The following MYH3 variants were observed in gnomAD, a reference collection of about 807,000 sequenced individuals.
MYH3 encodes myosin-3.
A neutral mutation model predicts 238.0 loss-of-function variants in MYH3; 130 were observed. The ratio of observed to expected loss-of-function variants is 0.55; its 90% CI spans 0.47 to 0.63. The LOEUF (loss-of-function observed/expected upper bound fraction) is 0.63, where lower values mean the gene tolerates loss of function less well. Among genes scored for constraint, MYH3 ranks in the 30% least tolerant of loss-of-function variants. The pLI is 0.00. For synonymous variants in MYH3, 880 were observed against 924.1 expected (o/e 0.95, Z 0.86); for missense variants, 1,853 against 2,374.9 (o/e 0.78, Z 4.57).
chr17:10,665,602 C>T, the MYH3 span, among the ~76,000 whole-genome samples: 1 of 152,150 alleles, frequency 6.6e-6, no homozygotes, highest in African/African-American at 2.4e-5. Context: ...ATAAACTTAA[C>T]AGGAGATATG....
Position 10,644,467 on chromosome 17 carries a change from C to T in MYH3, c.1294G>A (p.Val432Ile). Reference sequence around the variant, plus strand: ...ATCCACAAGAACAACTTTTCATAAACTGATTTTGAAAGAGCATTCACAGCA... The same window carrying T: ...ATCCACAAGAACAACTTTTCATAAATTGATTTTGAAAGAGCATTCACAGCA... ...HHAVNALSKS[V>I]YEKLFLWMVT... The change falls in exon 14 of 41, where the codon GTT becomes ATT. Residue 432 changes from valine (V) to isoleucine (I), a missense_variant. Around this residue, in one of 3 missense-constraint regions of MYH3, gnomAD observed 678 missense variants for 1,058.9 expected, o/e 0.64. Transcript: ENST00000583535. 6.2e-7 allele frequency: 1 copy of T among 1,614,206 alleles called. No individual in the cohort carries two copies. The highest frequency in any genetic ancestry group is 8.5e-7 in the Non-Finnish European group (1 of 1,180,020).
At chr17:10,652,788 A>AT (rs1049379076) in intron 3 of MYH3, among the ~76,000 whole-genome samples, 2 of 151,118 alleles carry the variant, frequency 1.3e-5, no homozygotes, top group African/African-American at 2.4e-5. Context: ...CACCCGGCTA[A>AT]TTTTTTTTAT....
chr17:10,674,458 A>T, the MYH3 span: 1 of 283,058 alleles, frequency 3.5e-6, no homozygotes, highest in Non-Finnish European at 6.9e-6. Context: ...AAAAAAACAG[A>T]CTGTGATTGA....
At chr17:10,647,145 C>G (rs2074329512) in intron 10 of MYH3, 37 bp downstream of exon 10, 1 of 1,505,270 alleles carries the variant, frequency 6.6e-7, no homozygotes, top group African/African-American at 1.4e-5. Context: ...CAGAGTCAAA[C>G]TACCTAAAAG....
intron 40 of MYH3, 66 bp downstream of exon 40, chr17:10,629,531 G>A (rs1005826926): frequency 1.9e-6 from 3 of 1,601,000 alleles, no homozygotes; most frequent in Admixed American, 3.3e-5. Flanking sequence ...GGTTCTCTGA[G>A]GTTCCTTCCA....
rs1192759965 is a variant in MYH3 at position 10,655,052 on chromosome 17, T to C, written c.13A>G (p.Thr5Ala). ...GCTATGCCGAACACTTCCATTTCAGTGTCACTACTCATGGTGTCAGCTGGA... is the reference window on the plus strand; with the variant it reads ...GCTATGCCGAACACTTCCATTTCAGCGTCACTACTCATGGTGTCAGCTGGA... Reference protein sequence around the residue: MSSDTEMEVFGIAAP... With the variant: MSSDAEMEVFGIAAP... The change falls in exon 3 of 41, where the codon ACT (threonine) becomes GCT (alanine). Residue 5 changes from threonine (T) to alanine (A), a missense_variant. Thr to Ala is a moderately conservative substitution (Grantham distance 58). Transcript: ENST00000583535. 2 of 1,614,168 alleles carry C rather than the reference T, an allele frequency of 1.2e-6. No homozygotes were observed. Among genetic ancestry groups the C allele is most frequent in the Non-Finnish European group, 8.5e-7 (1 of 1,180,018 alleles).
the MYH3 span, chr17:10,675,411 T>G: frequency 6.6e-6 from 1 of 152,294 alleles, no homozygotes; most frequent in East Asian, 1.9e-4. Context: ...ATCACAGACT[T>G]GCTTTCTTTC....
At chr17:10,666,664 A>AG in the MYH3 span, among the ~76,000 whole-genome samples, 2 of 151,218 alleles carry the variant, frequency 1.3e-5, no homozygotes, top group South Asian at 2.1e-4. Flanking sequence ...TGGGAGGCTG[A>AG]GGGGGGAGGA....
At position 10,638,006 on chromosome 17, in the gene MYH3, A is replaced by G. The variant is rs781038761; in HGVS notation, c.3729+37T>C. The stretch of plus-strand genomic sequence containing the variant: ...TTTCAATGACCACGGAGTGTGTCTG[A>G]TGGAAAGCCTTGAGCCACCCCCACC... On this transcript the variant is annotated intron_variant, in intron 27 of 40. Transcript: ENST00000583535. The G allele has an allele frequency of 4.3e-6, 7 of 1,613,908 alleles. No individual in the cohort carries two copies. In the African/African-American group the frequency reaches 6.7e-5, roughly 15 times the overall value.
At chr17:10,666,434 C>A in the MYH3 span, among the ~76,000 whole-genome samples, 1 of 97,640 alleles carries the variant, frequency 1.0e-5, no homozygotes, top group Non-Finnish European at 2.4e-5. Context: ...AACCAGCAGG[C>A]ATGGTGGTGC....
intron 7 of MYH3, among the ~76,000 whole-genome samples, chr17:10,649,223 A>G (rs1302837151): frequency 6.6e-6 from 1 of 152,224 alleles, no homozygotes; most frequent in Non-Finnish European, 1.5e-5. Context: ...GTCCGTATTC[A>G]TTTCATGCTG....
At chr17:10,657,899 T>C (rs1272678326), upstream of MYH3, among the ~76,000 whole-genome samples, 1 of 151,848 alleles carries the variant, frequency 6.6e-6, no homozygotes, top group East Asian at 1.9e-4. Flanking sequence ...CTCCTCTCCT[T>C]CTTTCTCTTA....
At chr17:10,674,318 T>C in the MYH3 span, 1,189 of 164,136 alleles carry the variant, frequency 7.2e-3, 19 homozygotes, top group African/African-American at 0.027. Context: ...CCCAGCTACT[T>C]GGGAGGCTGA....
intron 5 of MYH3, among the ~76,000 whole-genome samples, chr17:10,650,633 A>G (rs938791960): frequency 1.3e-5 from 2 of 152,220 alleles, no homozygotes; most frequent in Admixed American, 6.5e-5. Flanking sequence ...ATGATTTGAT[A>G]TATGTTTATA....
chr17:10,642,176 C>A lies in MYH3; in HGVS notation c.1959+64G>T. 7.0e-7 allele frequency: 1 copy of A among 1,427,164 alleles called. No individual in the cohort carries two copies. The allele number at this position is 1,427,164 out of a possible 1,614,324, so 88.4% of individuals were successfully genotyped here. A position where few individuals can be genotyped will look rare whatever the true frequency, so the allele number is the denominator to read the frequency against. On this transcript the variant is annotated intron_variant, in intron 17 of 40. Transcript: ENST00000583535. This position sits in a 1 kb window ranked among gnomAD's most constrained non-coding sequence, Gnocchi z 5.4. ...CTCAAATAAATCAAGCTTAGAATCT[C>A]AGCATTGCTCATTTAGATGTCACTT... is the stretch of plus-strand genomic sequence containing the variant.
rs758967389 is a variant in MYH3, at chr17:10,628,605, GA to G, written c.*47del. On this transcript the variant is annotated 3_prime_UTR_variant, in exon 41 of 41. Coordinates refer to ENST00000583535, the MANE Select transcript of MYH3 (RefSeq NM_002470.4). ...TTAAGTATCAATGGTCAGGAATCAAGAAAATATACATTTTGCATATCTTCTG... is the reference window on the plus strand; with the variant it reads ...TTAAGTATCAATGGTCAGGAATCAAGAAATATACATTTTGCATATCTTCTG... 2 of 1,604,716 alleles carry G rather than the reference GA, an allele frequency of 1.2e-6. No homozygotes were observed. The highest frequency in any genetic ancestry group is 1.7e-5 in the Admixed American group (1 of 60,002).
chr17:10,658,207 C>CA (rs546918555), upstream of MYH3, among the ~76,000 whole-genome samples: 41 of 152,302 alleles, frequency 2.7e-4, no homozygotes, highest in East Asian at 7.9e-3. Flanking sequence ...AATAAAGCCT[C>CA]AAGAGAAGAG....
rs185355384 is a variant in MYH3 at position 10,634,873 on chromosome 17, G to A, written c.4323C>T (p.Ala1441=). The A allele has an allele frequency of 2.4e-5, 38 of 1,614,098 alleles. No individual in the cohort carries two copies. The highest frequency in any genetic ancestry group is 4.5e-5 in the East Asian group (2 of 44,872). The change falls in exon 31 of 41, where the codon GCC becomes GCT. Residue 1441 remains alanine, a synonymous_variant. Transcript: ENST00000583535. Reference sequence around the variant, plus strand: ...AGTTCCTCTGCTTCTTGTCCAGAGCGGCGGCCAAGGAATTGGCTCTTTCAA... The same window carrying A: ...AGTTCCTCTGCTTCTTGTCCAGAGCAGCGGCCAAGGAATTGGCTCTTTCAA... ...VDVERANSLA[A]ALDKKQRNFD...
At chr17:10,663,755 CT>C in the MYH3 span, among the ~76,000 whole-genome samples, 1 of 151,914 alleles carries the variant, frequency 6.6e-6, no homozygotes, top group African/African-American at 2.4e-5. Flanking sequence ...CAAAAACTAA[CT>C]AACACTTAAA....
Sources: gnomAD v4.1 joint callset for allele counts (sites outside exome capture counted in the v4.1 genomes callset) on GRCh38, gnomAD v4.1.1 for gene constraint, gnomAD v4.1.1 regional missense constraint, Gnocchi (gnomAD v3.1) non-coding constraint, MANE v1.5 for transcripts, NCBI Gene and HGNC (gene_info 2026-07-23, HGNC 2026-07-21) for gene names.